FANK1: variants seen among roughly 807,000 people sequenced by gnomAD.
The protein encoded by FANK1 is fibronectin type 3 and ankyrin repeat domains protein 1.
In FANK1, 44 loss-of-function variants were observed where a neutral mutation model predicts 45.3. The observed-to-expected ratio is 0.97, with a 90% CI of 0.76 to 1.25. The LOEUF is 1.25. FANK1 is among the 50% of genes most tolerant of loss of function. FANK1 has a pLI of 0.00. For synonymous variants in FANK1, 149 were observed against 152.5 expected (o/e 0.98, Z 0.17); for missense variants, 391 against 424.4 (o/e 0.92, Z 0.69).
At chr10:125,973,461 T>C (rs1950645646) in intron 1 of FANK1, 1 of 985,402 alleles carries the variant, frequency 1.0e-6, no homozygotes, top group East Asian at 1.1e-4. Flanking sequence ...CCAGCCAGAA[T>C]TGCTGGGATT....
At chr10:125,911,310 A>G (rs528419466) in intron 1 of FANK1, among the ~76,000 whole-genome samples, 2 of 152,324 alleles carry the variant, frequency 1.3e-5, no homozygotes, top group East Asian at 3.9e-4. Context: ...AGAGGCATGG[A>G]AACGGACTCT....
At chr10:125,994,499 G>A in intron 3 of FANK1, 1 of 985,358 alleles carries the variant, frequency 1.0e-6, no homozygotes, top group African/African-American at 1.7e-5. Flanking sequence ...GAAGTGGTGG[G>A]GCTGTATCCA....
chr10:125,947,829 C>T (rs1487810396), intron 1 of FANK1, among the ~76,000 whole-genome samples: 4 of 127,080 alleles, frequency 3.1e-5, no homozygotes, highest in Admixed American at 1.6e-4. Context: ...CAGCAGCACA[C>T]CACACCTATT....
chr10:125,922,569 C>A (rs903319009), intron 1 of FANK1, among the ~76,000 whole-genome samples: 6 of 152,146 alleles, frequency 3.9e-5, no homozygotes, highest in African/African-American at 1.4e-4. Flanking sequence ...CAGGCTGGAG[C>A]ACAGTGGCAT....
chr10:125,916,555 G>T (rs902771880), intron 1 of FANK1, among the ~76,000 whole-genome samples: 5 of 152,074 alleles, frequency 3.3e-5, no homozygotes, highest in African/African-American at 7.2e-5. Context: ...TAGCCAAAGG[G>T]TGGAAGCAAG....
intron 1 of FANK1, among the ~76,000 whole-genome samples, chr10:125,954,343 T>C (rs1266804176): frequency 6.6e-6 from 1 of 152,210 alleles, no homozygotes; most frequent in Non-Finnish European, 1.5e-5. Context: ...GCAAGGATGC[T>C]GAACAAGCTA....
At chr10:125,978,025 TG>T (rs1429871627) in intron 1 of FANK1, among the ~76,000 whole-genome samples, 2 of 151,578 alleles carry the variant, frequency 1.3e-5, no homozygotes, top group Non-Finnish European at 2.9e-5. Flanking sequence ...GGCCCAGGCC[TG>T]GAGGACCTGT....
At chr10:125,952,144 T>G (rs1000189611) in intron 1 of FANK1, among the ~76,000 whole-genome samples, 1 of 152,210 alleles carries the variant, frequency 6.6e-6, no homozygotes, top group East Asian at 1.9e-4. Context: ...ATATTTGGTG[T>G]TTGTGTCCTA....
At chr10:125,976,251 T>C (rs1452696155) in intron 1 of FANK1, among the ~76,000 whole-genome samples, 1 of 152,208 alleles carries the variant, frequency 6.6e-6, no homozygotes, top group Non-Finnish European at 1.5e-5. Flanking sequence ...TTTAACATTC[T>C]TTCATTTCAA....
At chr10:125,997,135 T>C (rs1257544782) in intron 5 of FANK1, among the ~76,000 whole-genome samples, 1 of 152,224 alleles carries the variant, frequency 6.6e-6, no homozygotes, top group Non-Finnish European at 1.5e-5. Context: ...AAAATGGCCA[T>C]TCAAAGGACA....
intron 1 of FANK1, among the ~76,000 whole-genome samples, chr10:125,936,293 C>T (rs967995160): frequency 1.3e-5 from 2 of 151,834 alleles, no homozygotes; most frequent in Admixed American, 1.3e-4. Flanking sequence ...TATTTTTTGT[C>T]CTTTTTTTCA....
chr10:125,896,868 GA>G (rs1306175120), intron 1 of FANK1, among the ~76,000 whole-genome samples: 1 of 121,348 alleles, frequency 8.2e-6, no homozygotes, highest in Non-Finnish European at 1.7e-5. Flanking sequence ...CGGCGCCCTA[GA>G]GTCCGCGCTG....
In FANK1 at chr10:125,988,081, C is replaced by T. The variant is rs571301160; in HGVS notation, c.192-470C>T. Among the ~76,000 whole-genome samples, 462 of 152,302 alleles carry T rather than the reference C, an allele frequency of 3.0e-3. 2 individuals are homozygous for T. Among genetic ancestry groups the T allele is most frequent in the Non-Finnish European group, 5.4e-3 (367 of 68,036 alleles). On this transcript the variant is annotated intron_variant, in intron 2 of 10. Transcript: ENST00000368693. ...TCTACTGGAAGTTGCTTATGGACTA[C>T]GAGCAATCTTGCATGTGACTTCTTC...
intron 3 of FANK1, chr10:125,994,794 T>C (rs1183680778): frequency 2.6e-5 from 26 of 985,320 alleles, no homozygotes; most frequent in Non-Finnish European, 2.8e-5. Context: ...AAGGATGCCC[T>C]CCTCCCCGGC....
rs1017398082 is a variant in FANK1 at position 125,976,645 on chromosome 10, C to T, written c.14-3516C>T. On this transcript the variant is annotated intron_variant, in intron 1 of 10. Coordinates refer to ENST00000368693, the MANE Select transcript of FANK1 (RefSeq NM_145235.5). ...GTAAATTTTTTTTTTTTCCCTGAGA[C>T]GGAATCTCGCTCTGTCACCCAGGCT... is the stretch of plus-strand genomic sequence containing the variant. 5.3e-5 allele frequency among the ~76,000 whole-genome samples: 8 copies of T among 150,448 alleles called. No individual in the cohort carries two copies. In the South Asian group the frequency reaches 6.3e-4, roughly 12 times the overall value.
intron 1 of FANK1, among the ~76,000 whole-genome samples, chr10:125,924,193 T>C (rs1424947939): frequency 3.9e-5 from 6 of 152,216 alleles, no homozygotes; most frequent in Non-Finnish European, 7.3e-5. Flanking sequence ...TTTGTTATGT[T>C]TTTCCTTTTT....
chr10:125,953,603 T>C (rs1041558591), intron 1 of FANK1, among the ~76,000 whole-genome samples: 1 of 152,190 alleles, frequency 6.6e-6, no homozygotes, highest in African/African-American at 2.4e-5. Context: ...GTGAGCAGCT[T>C]GTGAAAGCCC....
intron 1 of FANK1, among the ~76,000 whole-genome samples, chr10:125,976,653 C>T (rs1165056723): frequency 6.6e-6 from 1 of 150,956 alleles, no homozygotes; most frequent in African/African-American, 2.4e-5. Context: ...GACGGAATCT[C>T]GCTCTGTCAC....
chr10:125,899,392 A>G (rs1263917345), intron 1 of FANK1, among the ~76,000 whole-genome samples: 1 of 151,978 alleles, frequency 6.6e-6, no homozygotes, highest in South Asian at 2.1e-4. Flanking sequence ...TTTACTTTGA[A>G]TAGAGCTAAA....
Sources: allele counts gnomAD v4.1 joint callset (sites outside exome capture counted in the v4.1 genomes callset), GRCh38; gene constraint gnomAD v4.1.1; transcripts MANE v1.5; gene names NCBI Gene and HGNC (gene_info 2026-07-23, HGNC 2026-07-21).